DGKI: variants seen among roughly 807,000 people sequenced by gnomAD.
DGKI encodes the protein diacylglycerol kinase iota.
In DGKI, 55 loss-of-function variants were observed where a neutral mutation model predicts 147.5. That is an observed-to-expected ratio of 0.37 (90% CI 0.30 to 0.47). The LOEUF (loss-of-function observed/expected upper bound fraction) is 0.47. DGKI is among the 20% of genes least tolerant of loss of function. The probability of loss-of-function intolerance (pLI) is 1.00; values close to 1 mark genes in which losing one functional copy is unlikely to be tolerated. For missense variants in DGKI, 1,007 were observed against 1,323.8 expected (o/e 0.76, Z 3.71); for synonymous variants, 469 against 477.1 (o/e 0.98, Z 0.22).
chr7:137,510,672 G>C (rs150139828), intron 21 of DGKI, among the ~76,000 whole-genome samples: 1 of 152,198 alleles, frequency 6.6e-6, no homozygotes. Context: ...ACATCATGCT[G>C]TCTGTTACAC....
At chr7:137,836,961 T>A (rs1450533516) in intron 1 of DGKI, among the ~76,000 whole-genome samples, 1 of 152,156 alleles carries the variant, frequency 6.6e-6, no homozygotes, top group Non-Finnish European at 1.5e-5. Context: ...AACCACTAGA[T>A]TGTGAAAATA....
chr7:137,497,286 A>C (rs1816003122), intron 21 of DGKI, among the ~76,000 whole-genome samples: 1 of 152,130 alleles, frequency 6.6e-6, no homozygotes, highest in African/African-American at 2.4e-5. Flanking sequence ...AAAAGTCAAA[A>C]CATGACAGAT....
rs117344277 is a variant in DGKI at position 137,820,980 on chromosome 7, C to T, written c.401+25482G>A. On this transcript the variant is annotated intron_variant, in intron 1 of 32. Transcript: ENST00000614521. ...GGGGCCCAGCCCTAGAGGGGGAGAGCAGCTCCTCCCCAGCTGCTGCCAATT... is the reference window on the plus strand; with the variant it reads ...GGGGCCCAGCCCTAGAGGGGGAGAGTAGCTCCTCCCCAGCTGCTGCCAATT... 3.7e-3 allele frequency among the ~76,000 whole-genome samples: 558 copies of T among 152,296 alleles called. 1 individual carries two copies. The highest frequency in any genetic ancestry group is 0.02 in the Middle Eastern group (6 of 294).
intron 20 of DGKI, among the ~76,000 whole-genome samples, chr7:137,539,150 A>G (rs552191304): frequency 6.6e-6 from 1 of 152,252 alleles, no homozygotes; most frequent in Admixed American, 6.5e-5. Context: ...ATTAGGAGGG[A>G]AGAGGGGCTT....
chr7:137,744,430 G>A (rs1014717991), intron 1 of DGKI, among the ~76,000 whole-genome samples: 1 of 151,510 alleles, frequency 6.6e-6, no homozygotes, highest in African/African-American at 2.4e-5. Context: ...AAAAAACCTG[G>A]GACCACATGG....
intron 1 of DGKI, among the ~76,000 whole-genome samples, chr7:137,835,578 G>GA (rs1798352514): frequency 1.3e-5 from 2 of 150,734 alleles, no homozygotes. Context: ...ATCTCTACCT[G>GA]TTTTTTTTTC....
In DGKI at chr7:137,466,952, A is replaced by G. The variant is rs750757807; in HGVS notation, c.2444-10T>C. ...CGATCAGCAGAAGTTGCTAGGGGAA[A>G]AAAAATGCAGATGGCATTCAGAATG... On this transcript the variant is annotated splice_polypyrimidine_tract_variant and intron_variant, in intron 24 of 32. Coordinates refer to ENST00000614521, the MANE Select transcript of DGKI (RefSeq NM_001321708.2). 1.9e-6 allele frequency: 3 copies of G among 1,614,096 alleles called. No homozygotes were observed. Among genetic ancestry groups the G allele is most frequent in the Non-Finnish European group, 2.5e-6 (3 of 1,179,968 alleles).
intron 20 of DGKI, among the ~76,000 whole-genome samples, chr7:137,540,823 G>T (rs1310222518): frequency 9.4e-6 from 1 of 106,768 alleles, no homozygotes; most frequent in Non-Finnish European, 2.0e-5. Context: ...GAACTACTTA[G>T]GCACAAATCT....
At position 137,382,614 on chromosome 7, in the gene DGKI, A is replaced by G. The variant is rs944868550; in HGVS notation, c.*8606T>C. ...GTATGTTTCCTGAGTTTGATTTTCAATATCTGCTAACACTATCAGTTGTTT... is the reference window on the plus strand; with the variant it reads ...GTATGTTTCCTGAGTTTGATTTTCAGTATCTGCTAACACTATCAGTTGTTT... On this transcript the variant is annotated 3_prime_UTR_variant, in exon 33 of 33. Transcript: ENST00000614521. 10 of 152,094 alleles carry G rather than the reference A, an allele frequency of 6.6e-5. No individual in the cohort carries two copies. Among genetic ancestry groups the G allele is most frequent in the Admixed American group, 2.6e-4 (4 of 15,248 alleles). The allele number at this position is 152,094 out of a possible 1,614,324, so 9.4% of individuals were successfully genotyped here. A position where few individuals can be genotyped will look rare whatever the true frequency, so the allele number is the denominator to read the frequency against.
intron 21 of DGKI, among the ~76,000 whole-genome samples, chr7:137,488,673 G>A (rs117622976): frequency 0.011 from 1,641 of 152,064 alleles, 7 homozygotes; most frequent in Non-Finnish European, 0.016. Context: ...TTTTACAATC[G>A]TTCACTCATT....
At position 137,756,410 on chromosome 7, in the gene DGKI, A is replaced by T. The variant is rs541042523; in HGVS notation, c.402-66408T>A. On this transcript the variant is annotated intron_variant, in intron 1 of 32. Coordinates refer to ENST00000614521, the MANE Select transcript of DGKI (RefSeq NM_001321708.2). ...ATGCAAACACAGAAGAAAAAAAGTC[A>T]TTCGGGAACCGTCAGAAAGGTTATT... Among the ~76,000 whole-genome samples, 173 of 152,362 alleles carry T rather than the reference A, an allele frequency of 1.1e-3. 2 individuals are homozygous for T. Among genetic ancestry groups the T allele is most frequent in the Non-Finnish European group, 1.1e-3 (74 of 68,032 alleles).
intron 28 of DGKI, among the ~76,000 whole-genome samples, chr7:137,425,207 G>C (rs184694497): frequency 2.2e-4 from 33 of 151,166 alleles, no homozygotes; most frequent in Non-Finnish European, 4.3e-4. Flanking sequence ...AAAACTTCCA[G>C]AGGAAAGATC....
chr7:137,484,898 G>C (rs1283948387), intron 23 of DGKI, among the ~76,000 whole-genome samples: 1 of 151,962 alleles, frequency 6.6e-6, no homozygotes, highest in Admixed American at 6.6e-5. Context: ...AAAAAACATA[G>C]TCCTGGTTGC....
intron 1 of DGKI, among the ~76,000 whole-genome samples, chr7:137,747,472 T>C (rs998008176): frequency 6.6e-6 from 1 of 151,956 alleles, no homozygotes; most frequent in Non-Finnish European, 1.5e-5. Flanking sequence ...GTAAATGACT[T>C]TGTAACTTTA....
intron 6 of DGKI, among the ~76,000 whole-genome samples, chr7:137,642,163 C>T (rs1185736541): frequency 1.3e-5 from 2 of 152,238 alleles, no homozygotes; most frequent in Admixed American, 1.3e-4. Context: ...TCCTTCTCTA[C>T]TCAATGACTC....
At chr7:137,740,163 T>C (rs1795136149) in intron 1 of DGKI, among the ~76,000 whole-genome samples, 1 of 152,168 alleles carries the variant, frequency 6.6e-6, no homozygotes, top group Admixed American at 6.6e-5. Context: ...CAAATTCCAT[T>C]TATGCAACCT....
intron 21 of DGKI, among the ~76,000 whole-genome samples, chr7:137,500,327 T>C (rs890818189): frequency 1.3e-5 from 2 of 152,210 alleles, no homozygotes; most frequent in Non-Finnish European, 2.9e-5. Context: ...TTATACATTT[T>C]ACGTGTGCAT....
chr7:137,792,560 G>A (rs922249609), intron 1 of DGKI, among the ~76,000 whole-genome samples: 1 of 152,154 alleles, frequency 6.6e-6, no homozygotes, highest in African/African-American at 2.4e-5. Flanking sequence ...CATGTGCCAG[G>A]CATTTTTCTA....
intron 23 of DGKI, among the ~76,000 whole-genome samples, chr7:137,474,663 T>G (rs1815104429): frequency 6.6e-6 from 1 of 152,082 alleles, no homozygotes; most frequent in African/African-American, 2.4e-5. Flanking sequence ...AAGCTAAGAA[T>G]TGAGATGCCA....
Sources: gnomAD v4.1 joint callset for allele counts (sites outside exome capture counted in the v4.1 genomes callset) on GRCh38, gnomAD v4.1.1 for gene constraint, MANE v1.5 for transcripts, NCBI Gene and HGNC (gene_info 2026-07-23, HGNC 2026-07-21) for gene names.